PLOD2: variants seen among roughly 807,000 people sequenced by gnomAD.
PLOD2 encodes lysine hydroxylase 2.
In PLOD2, 65 loss-of-function variants were observed where a neutral mutation model predicts 101.0. That is an observed-to-expected ratio of 0.64 (90% CI 0.53 to 0.79). PLOD2 has a LOEUF of 0.79. Among genes scored for constraint, PLOD2 ranks in the 30% least tolerant of loss-of-function variants. The pLI, the probability that PLOD2 is intolerant of heterozygous loss-of-function variation, is 0.00. For missense variants in PLOD2, 909 were observed against 914.6 expected (o/e 0.99, Z 0.08); for synonymous variants, 314 against 302.9 (o/e 1.04, Z -0.38).
intron 4 of PLOD2, among the ~76,000 whole-genome samples, chr3:146,107,115 C>G (rs1172596033): frequency 3.9e-5 from 6 of 152,150 alleles, no homozygotes; most frequent in African/African-American, 9.7e-5. Flanking sequence ...TGCAATCAAA[C>G]GAATGCTGGA....
At chr3:146,114,165 G>A (rs1028173298) in intron 3 of PLOD2, among the ~76,000 whole-genome samples, 62 of 151,980 alleles carry the variant, frequency 4.1e-4, no homozygotes, top group African/African-American at 1.3e-3. Flanking sequence ...ATGCATACCC[G>A]AAATTTCATT....
chr3:146,133,676 A>G (rs888200474), intron 1 of PLOD2, among the ~76,000 whole-genome samples: 1 of 152,222 alleles, frequency 6.6e-6, no homozygotes, highest in African/African-American at 2.4e-5. Context: ...GAGTTTCAGC[A>G]AATTCTTTCC....
intron 3 of PLOD2, among the ~76,000 whole-genome samples, chr3:146,111,166 G>C (rs1244039006): frequency 6.6e-6 from 1 of 152,066 alleles, no homozygotes; most frequent in East Asian, 1.9e-4. Flanking sequence ...AAGTATAACA[G>C]CCACTATCTA....
intron 3 of PLOD2, among the ~76,000 whole-genome samples, chr3:146,112,775 CGA>C (rs1288114535): frequency 6.6e-6 from 1 of 151,040 alleles, no homozygotes; most frequent in Non-Finnish European, 1.5e-5. Flanking sequence ...TGCTTGAACC[CGA>C]GAGGTGGAGG....
At chr3:146,088,917 C>T (rs1936880327) in intron 8 of PLOD2, 3 of 546,020 alleles carry the variant, frequency 5.5e-6, no homozygotes, top group South Asian at 2.1e-5. Context: ...TTACTGAATC[C>T]CATCTTGGTT....
chr3:146,127,415 C>T (rs770312294), intron 1 of PLOD2, among the ~76,000 whole-genome samples: 1 of 152,032 alleles, frequency 6.6e-6, no homozygotes, highest in African/African-American at 2.4e-5. Flanking sequence ...CACTTATAAG[C>T]GAGAACACGT....
At chr3:146,109,337 A>G (rs1937586988) in intron 4 of PLOD2, among the ~76,000 whole-genome samples, 1 of 152,214 alleles carries the variant, frequency 6.6e-6, no homozygotes, top group East Asian at 1.9e-4. Context: ...TGAGCTATCA[A>G]AGTTCCAAGG....
chr3:146,107,880 G>A (rs577716063), intron 4 of PLOD2, among the ~76,000 whole-genome samples: 1 of 151,900 alleles, frequency 6.6e-6, no homozygotes, highest in South Asian at 2.1e-4. Context: ...CTGACCTCAG[G>A]TGATCTGCCC....
intron 1 of PLOD2, among the ~76,000 whole-genome samples, chr3:146,138,784 T>A (rs937166728): frequency 2.0e-5 from 3 of 152,202 alleles, no homozygotes; most frequent in African/African-American, 7.2e-5. Context: ...TAATAGCTAC[T>A]AAAATAACAG....
At chr3:146,090,998 T>C (rs1447920426) in intron 8 of PLOD2, among the ~76,000 whole-genome samples, 1 of 151,880 alleles carries the variant, frequency 6.6e-6, no homozygotes, top group African/African-American at 2.4e-5. Flanking sequence ...GGAATAAAAA[T>C]GTTGTTGTAA....
chr3:146,096,826 A>C (rs1159205097), intron 7 of PLOD2, among the ~76,000 whole-genome samples: 1 of 116,744 alleles, frequency 8.6e-6, no homozygotes, highest in African/African-American at 3.4e-5. Context: ...GGCCGCCCCT[A>C]CTGGGAAGTG....
chr3:146,092,469 C>A (rs1057299342), intron 7 of PLOD2, among the ~76,000 whole-genome samples: 1 of 152,024 alleles, frequency 6.6e-6, no homozygotes, highest in African/African-American at 2.4e-5. Context: ...TTCAGGGGTA[C>A]TGATTCAGGA....
chr3:146,092,411 G>A (rs927647672), intron 7 of PLOD2, among the ~76,000 whole-genome samples: 7 of 151,994 alleles, frequency 4.6e-5, no homozygotes, highest in Admixed American at 4.6e-4. Flanking sequence ...AAGACACTAA[G>A]CTCTTCCAGG....
At chr3:146,158,999 T>G (rs866698437) in intron 1 of PLOD2, among the ~76,000 whole-genome samples, 1 of 152,212 alleles carries the variant, frequency 6.6e-6, no homozygotes, top group Non-Finnish European at 1.5e-5. Flanking sequence ...TTGTAAAGAA[T>G]AAAATAGACC....
chr3:146,157,119 GAATTCAGATA>G (rs1309187884), intron 1 of PLOD2, among the ~76,000 whole-genome samples: 3 of 152,298 alleles, frequency 2.0e-5, no homozygotes, highest in East Asian at 3.9e-4. Context: ...GAAGCTCAGT[GAATTCAGATA>G]AAGTTCTGGG....
At position 146,112,623 on chromosome 3, in the gene PLOD2, C is replaced by T. The variant is rs549572083; in HGVS notation, c.339-2175G>A. On this transcript the variant is annotated intron_variant, in intron 3 of 19. Coordinates refer to ENST00000282903, the MANE Select transcript of PLOD2 (RefSeq NM_182943.3). ...ATCCCAGCACTTTGGGAGGTCAAGG[C>T]GGGCGGATCATGAGGTCAAGAGATC... Among the ~76,000 whole-genome samples the T allele has an allele frequency of 4.6e-5, 7 of 151,890 alleles. No individual in the cohort carries two copies. The South Asian group carries it at 8.3e-4, about 18-fold the overall frequency.
chr3:146,081,905 T>C, intron 11 of PLOD2, 42 bp from the exon 12 acceptor site: 1 of 1,542,792 alleles, frequency 6.5e-7, no homozygotes, highest in Non-Finnish European at 8.8e-7. Context: ...GAAACCTATA[T>C]AATTATTTAT....
chr3:146,121,161 T>G lies in PLOD2; in HGVS notation c.289A>C (p.Met97Leu). Residue 97 changes from methionine (M) to leucine (L), a missense_variant, in exon 3 of 20, where the codon ATG becomes CTG. Transcript: ENST00000282903. Reference sequence around the variant, plus strand: ...TCATCTTGATCAGCATAGTGTTCCATGACTTCTTTCATTAATCTCACTTTC... The same window carrying G: ...TCATCTTGATCAGCATAGTGTTCCAGGACTTCTTTCATTAATCTCACTTTC... ...GQKVRLMKEV[M>L]EHYADQDDLV... 1.9e-6 allele frequency: 3 copies of G among 1,609,266 alleles called. No homozygotes were observed. The highest frequency in any genetic ancestry group is 2.6e-6 in the Non-Finnish European group (3 of 1,175,676).
At chr3:146,085,347 A>G (rs752400877) in intron 10 of PLOD2, 74 bp from the exon 11 acceptor site, 10 of 768,070 alleles carry the variant, frequency 1.3e-5, no homozygotes, top group Non-Finnish European at 2.3e-5. Context: ...GTTAATATAT[A>G]TATTCTTTTA....
Sources: allele counts gnomAD v4.1 joint callset (sites outside exome capture counted in the v4.1 genomes callset), GRCh38; gene constraint gnomAD v4.1.1; transcripts MANE v1.5; gene names NCBI Gene and HGNC (gene_info 2026-07-23, HGNC 2026-07-21).